Variants in PCDH9 observed in about 807,000 individuals in gnomAD.
PCDH9 encodes the protein protocadherin-9.
PCDH9 carries 24 observed loss-of-function variants against 70.6 expected under a neutral mutation model. The ratio of observed to expected loss-of-function variants is 0.34; its 90% CI spans 0.25 to 0.48. PCDH9 has a LOEUF of 0.48. Ranked by LOEUF, PCDH9 falls within the 20% of genes least tolerant of loss-of-function variation. PCDH9 has a pLI of 0.99. For missense variants in PCDH9, 1,281 were observed against 1,503.6 expected (o/e 0.85, Z 2.45); for synonymous variants, 562 against 558.5 (o/e 1.01, Z -0.09).
rs1324144749 is a variant in PCDH9 at position 67,227,471 on chromosome 13, C to G, written c.970G>C (p.Ala324Pro). 1.2e-6 allele frequency: 2 copies of G among 1,613,734 alleles called. No homozygotes were observed. Among genetic ancestry groups the G allele is most frequent in the South Asian group, 1.1e-5 (1 of 91,012 alleles). ...GCCAGCACTGTCACTTTGTGAATGG[C>G]TGTCTCCTCTCTATCTAAGGACCTC... The part of the protein sequence containing the change: ...VQRSLDREET[A>P]IHKVTVLASD... Residue 324 changes from alanine (A) to proline (P), a missense_variant, in exon 2 of 5, where the codon GCC becomes CCC. Ala to Pro is a conservative substitution (Grantham distance 27, BLOSUM62 -1). Coordinates refer to ENST00000377865, the MANE Select transcript of PCDH9 (RefSeq NM_203487.3). The surrounding 1 kb of genome is among the most constrained non-coding windows in gnomAD (Gnocchi z 4.6).
At chr13:66,854,816 A>C (rs1199766884) in intron 3 of PCDH9, among the ~76,000 whole-genome samples, 3 of 152,106 alleles carry the variant, frequency 2.0e-5, no homozygotes, top group Non-Finnish European at 2.9e-5. Flanking sequence ...AACGTTAACG[A>C]ATCAACAGTA....
At chr13:66,466,360 C>T (rs1958514088) in intron 4 of PCDH9, among the ~76,000 whole-genome samples, 1 of 152,038 alleles carries the variant, frequency 6.6e-6, no homozygotes. Context: ...CACCAATAAC[C>T]CTACTTTGTG....
At chr13:66,812,636 A>C (rs2080529615) in intron 3 of PCDH9, among the ~76,000 whole-genome samples, 1 of 152,190 alleles carries the variant, frequency 6.6e-6, no homozygotes, top group Non-Finnish European at 1.5e-5. Flanking sequence ...ATACCATAAA[A>C]TAGAACAAGG....
intron 3 of PCDH9, among the ~76,000 whole-genome samples, chr13:66,786,863 C>A (rs184642905): frequency 8.5e-5 from 13 of 152,150 alleles, no homozygotes; most frequent in Admixed American, 5.2e-4. Flanking sequence ...TAAAAAAATT[C>A]TCATCATGCA....
chr13:66,969,070 A>C (rs1566328178), intron 2 of PCDH9, among the ~76,000 whole-genome samples: 1 of 152,022 alleles, frequency 6.6e-6, no homozygotes, highest in Admixed American at 6.6e-5. Context: ...CAAAAGCCAT[A>C]CTGGCATTGC....
chr13:66,471,257 T>A (rs9564317), intron 4 of PCDH9, among the ~76,000 whole-genome samples: 2 of 152,020 alleles, frequency 1.3e-5, no homozygotes, highest in South Asian at 4.2e-4. Context: ...GATTGTTAAA[T>A]TGTTACCTTG....
At chr13:67,133,969 T>G (rs1286899408) in intron 2 of PCDH9, among the ~76,000 whole-genome samples, 1 of 152,082 alleles carries the variant, frequency 6.6e-6, no homozygotes, top group African/African-American at 2.4e-5. Context: ...AACTGAAAGT[T>G]TATTAAAACA....
At chr13:67,038,229 G>A (rs1020938687) in intron 2 of PCDH9, among the ~76,000 whole-genome samples, 9 of 152,012 alleles carry the variant, frequency 5.9e-5, no homozygotes, top group Admixed American at 5.3e-4. Context: ...AACTCCACTT[G>A]GAATCAAGGA....
chr13:66,875,275 T>G (rs1351016355), intron 3 of PCDH9, among the ~76,000 whole-genome samples: 1 of 152,198 alleles, frequency 6.6e-6, no homozygotes, highest in Non-Finnish European at 1.5e-5. Flanking sequence ...CAACCCACTG[T>G]GTAAAAATCT....
intron 4 of PCDH9, among the ~76,000 whole-genome samples, chr13:66,390,883 C>T (rs1482412862): frequency 6.6e-6 from 1 of 152,100 alleles, no homozygotes; most frequent in African/African-American, 2.4e-5. Context: ...TTCATCAATC[C>T]GTTGATATAG....
chr13:66,775,551 C>CA (rs2079877206), intron 3 of PCDH9, among the ~76,000 whole-genome samples: 1 of 152,162 alleles, frequency 6.6e-6, no homozygotes, highest in South Asian at 2.1e-4. Flanking sequence ...TTCTCCTCCT[C>CA]AGCCTACTCA....
At chr13:66,940,341 TTTG>T (rs146036961) in intron 2 of PCDH9, among the ~76,000 whole-genome samples, 1 of 152,226 alleles carries the variant, frequency 6.6e-6, no homozygotes, top group South Asian at 2.1e-4. Context: ...AGTGTAATAT[TTTG>T]TTGTTGTTGT....
intron 4 of PCDH9, among the ~76,000 whole-genome samples, chr13:66,408,155 T>C (rs1454211053): frequency 6.7e-6 from 1 of 149,714 alleles, no homozygotes; most frequent in Non-Finnish European, 1.5e-5. Flanking sequence ...GCTTCCCGGG[T>C]TCACGCCATT....
chr13:66,734,202 T>C (rs1168627850), intron 3 of PCDH9, among the ~76,000 whole-genome samples: 1 of 152,180 alleles, frequency 6.6e-6, no homozygotes, highest in Non-Finnish European at 1.5e-5. Flanking sequence ...CAGTTATGCC[T>C]ACATAATGAA....
rs141035231 is a variant in PCDH9 at position 66,889,561 on chromosome 13, A to G, written c.3138+13943T>C. ...AGAAACACTTATGATTCCTGTTAATAAGATACATAAAGCATACTGTCCCCT... is the reference window on the plus strand; with the variant it reads ...AGAAACACTTATGATTCCTGTTAATGAGATACATAAAGCATACTGTCCCCT... On this transcript the variant is annotated intron_variant, in intron 3 of 4. Coordinates refer to ENST00000377865, the MANE Select transcript of PCDH9 (RefSeq NM_203487.3). 9.9e-5 allele frequency among the ~76,000 whole-genome samples: 15 copies of G among 152,266 alleles called. No individual in the cohort carries two copies. In the East Asian group the frequency reaches 2.9e-3, roughly 29 times the overall value.
intron 4 of PCDH9, among the ~76,000 whole-genome samples, chr13:66,575,325 T>C (rs2076798885): frequency 6.6e-6 from 1 of 152,046 alleles, no homozygotes; most frequent in South Asian, 2.1e-4. Context: ...CCTCTGAGAG[T>C]TCCTACTTCA....
At chr13:67,076,397 A>G (rs1007147341) in intron 2 of PCDH9, among the ~76,000 whole-genome samples, 2 of 152,208 alleles carry the variant, frequency 1.3e-5, no homozygotes, top group African/African-American at 4.8e-5. Flanking sequence ...GGTAAATCAA[A>G]TAGCTGTATA....
chr13:66,389,296 T>A (rs187413390), intron 4 of PCDH9, among the ~76,000 whole-genome samples: 1 of 152,288 alleles, frequency 6.6e-6, no homozygotes, highest in East Asian at 1.9e-4. Context: ...TGACTGAAAC[T>A]AATGTGAAAG....
At chr13:66,688,323 T>G (rs4884689) in intron 3 of PCDH9, among the ~76,000 whole-genome samples, 2 of 152,092 alleles carry the variant, frequency 1.3e-5, no homozygotes, top group African/African-American at 4.8e-5. Flanking sequence ...TATTTAGAAC[T>G]TGTGTCCTAT....
Sources: gnomAD v4.1 joint callset for allele counts (sites outside exome capture counted in the v4.1 genomes callset) on GRCh38, gnomAD v4.1.1 for gene constraint, Gnocchi (gnomAD v3.1) non-coding constraint, MANE v1.5 for transcripts, NCBI Gene and HGNC (gene_info 2026-07-23, HGNC 2026-07-21) for gene names.